DUS2: variants seen among roughly 807,000 people sequenced by gnomAD.
DUS2 encodes the protein tRNA-dihydrouridine(20) synthase [NAD(P)+]-like.
In DUS2, 52 loss-of-function variants were observed where a neutral mutation model predicts 71.3. That is an observed-to-expected ratio of 0.73 (90% CI 0.58 to 0.92). DUS2 has a LOEUF of 0.92. DUS2 is among the 40% of genes least tolerant of loss of function. The pLI is 0.00. For synonymous variants in DUS2, 204 were observed against 227.8 expected (o/e 0.90, Z 0.94); for missense variants, 558 against 622.6 (o/e 0.90, Z 1.10).
At chr16:68,075,295 C>T in intron 13 of DUS2, 60 bp from the exon 14 acceptor site, 2 of 1,473,860 alleles carry the variant, frequency 1.4e-6, no homozygotes, top group Non-Finnish European at 9.0e-7. Flanking sequence ...TGGGGTCCTG[C>T]AGTACCCTGG....
chr16:68,023,857 A>G (rs1169958654), intron 1 of DUS2: 1 of 166,434 alleles, frequency 6.0e-6, no homozygotes, highest in African/African-American at 2.4e-5. Flanking sequence ...GCCAAGGTTC[A>G]CTCTCTACTC....
chr16:68,066,256 A>G, intron 8 of DUS2, 61 bp from the exon 9 acceptor site: 1 of 1,503,104 alleles, frequency 6.7e-7, no homozygotes, highest in Non-Finnish European at 9.3e-7. Flanking sequence ...GTTAATTAGT[A>G]CAGGCAGAGT....
rs543122992 is a variant in DUS2, at chr16:68,079,047, A to G, written c.*61A>G. ...TGGTGCTAAGGTGGCTGTGGATGCC[A>G]CAGCATGAACCAGATGCCGTTGAAC... is the stretch of plus-strand genomic sequence containing the variant. On this transcript the variant is annotated 3_prime_UTR_variant, in exon 17 of 17. Transcript: ENST00000565263. 2.9e-6 allele frequency: 4 copies of G among 1,396,536 alleles called. No homozygotes were observed. The East Asian group carries it at 7.0e-5, about 24-fold the overall frequency. The allele number at this position is 1,396,536 out of a possible 1,614,324, so 86.5% of individuals were successfully genotyped here. A position where few individuals can be genotyped will look rare whatever the true frequency, so the allele number is the denominator to read the frequency against.
intron 2 of DUS2, among the ~76,000 whole-genome samples, chr16:68,033,866 G>A (rs2033477805): frequency 1.3e-5 from 2 of 151,566 alleles, no homozygotes; most frequent in African/African-American, 4.8e-5. Flanking sequence ...TCCTGACCTC[G>A]AGTGATCCAC....
intron 15 of DUS2, 90 bp downstream of exon 15, chr16:68,076,809 G>A (rs188194160): frequency 4.2e-6 from 5 of 1,191,218 alleles, no homozygotes; most frequent in African/African-American, 1.5e-5. Flanking sequence ...CTGGAGCCTG[G>A]CCTTGACCTC....
intron 3 of DUS2, among the ~76,000 whole-genome samples, chr16:68,047,109 G>A (rs555341959): frequency 1.4e-5 from 2 of 139,092 alleles, no homozygotes; most frequent in South Asian, 2.3e-4. Context: ...AGGCTGGAGT[G>A]CAGTGGTGCG....
At chr16:68,038,799 A>G (rs1207866750) in intron 3 of DUS2, among the ~76,000 whole-genome samples, 4 of 151,548 alleles carry the variant, frequency 2.6e-5, no homozygotes, top group Non-Finnish European at 5.9e-5. Flanking sequence ...CCGTAATACT[A>G]GTACTTTGGG....
intron 2 of DUS2, among the ~76,000 whole-genome samples, chr16:68,026,040 G>T (rs2033343865): frequency 6.6e-6 from 1 of 152,210 alleles, no homozygotes; most frequent in East Asian, 1.9e-4. Context: ...ACCCAGGCTA[G>T]ACTTCAGTGG....
rs73604353 is a variant in DUS2, at chr16:68,045,835, C to G, written c.127-3670C>G. Among the ~76,000 whole-genome samples the G allele has an allele frequency of 4.9e-3, 739 of 151,274 alleles. 8 individuals carry two copies. Among genetic ancestry groups the G allele is most frequent in the African/African-American group, 0.017 (700 of 41,252 alleles). On this transcript the variant is annotated intron_variant, in intron 3 of 16. Coordinates refer to ENST00000565263, the MANE Select transcript of DUS2 (RefSeq NM_017803.5). ...GTCTGCCTCCCATGTTCAAGTGATT[C>G]TCCTGCCTCAGATTCCCAAGTAGCT...
intron 3 of DUS2, 108 bp from the exon 4 acceptor site, chr16:68,049,397 G>T: frequency 1.7e-6 from 2 of 1,155,156 alleles, no homozygotes; most frequent in South Asian, 1.3e-5. Context: ...TTTGTTCTTG[G>T]TAGTAGGGCG....
intron 3 of DUS2, among the ~76,000 whole-genome samples, chr16:68,049,172 G>T (rs1420111940): frequency 6.6e-6 from 1 of 152,130 alleles, no homozygotes; most frequent in Non-Finnish European, 1.5e-5. Flanking sequence ...TTCTTTGATG[G>T]GGTGGGCTTC....
At chr16:68,056,661 A>G (rs527991902) in intron 7 of DUS2, among the ~76,000 whole-genome samples, 2 of 152,000 alleles carry the variant, frequency 1.3e-5, no homozygotes, top group Non-Finnish European at 1.5e-5. Context: ...GTAACAGAAT[A>G]TCCCTGTTCT....
intron 3 of DUS2, among the ~76,000 whole-genome samples, chr16:68,046,994 C>T (rs1343237642): frequency 6.6e-6 from 1 of 151,870 alleles, no homozygotes; most frequent in East Asian, 1.9e-4. Context: ...TCGTGATCCG[C>T]CCGCCTTGGC....
chr16:68,058,273 G>C (rs938471189), intron 7 of DUS2, among the ~76,000 whole-genome samples: 1 of 150,394 alleles, frequency 6.6e-6, no homozygotes, highest in Non-Finnish European at 1.5e-5. Context: ...CGTGCAGGCT[G>C]GAGTGTAGCA....
In DUS2 at chr16:68,076,655, C is replaced by T. The variant is rs1454209977; in HGVS notation, c.1106C>T (p.Thr369Ile). ...FDRRAYPAQI[T>I]PKMCLLEWCR... ...AGGAGAGCATACCCAGCCCAGATCACCCCTAAGATGTGCCTACTAGAGTGG... is the reference window on the plus strand; with the variant it reads ...AGGAGAGCATACCCAGCCCAGATCATCCCTAAGATGTGCCTACTAGAGTGG... Residue 369 changes from threonine to isoleucine, a missense_variant, in exon 15 of 17, where the codon ACC (threonine) becomes ATC (isoleucine). Physicochemically the swap from Thr to Ile is moderately conservative, Grantham distance 89. Transcript: ENST00000565263. 1.2e-6 allele frequency: 2 copies of T among 1,614,108 alleles called. No homozygotes were observed. The highest frequency in any genetic ancestry group is 2.2e-5 in the East Asian group (1 of 44,878).
Position 68,074,042 on chromosome 16 carries a change from G to C in DUS2, c.819G>C (p.Gln273His), listed in dbSNP as rs1379671253. The C allele has an allele frequency of 6.2e-7, 1 of 1,614,032 alleles. No individual in the cohort carries two copies. The highest frequency in any genetic ancestry group is 2.2e-5 in the East Asian group (1 of 44,892). The change falls in exon 13 of 17, where the codon CAG becomes CAC. Residue 273 changes from glutamine to histidine, a missense_variant. Coordinates refer to ENST00000565263, the MANE Select transcript of DUS2 (RefSeq NM_017803.5). ...VMQKYIRYAV[Q>H]YDNHYTNTKY... Reference sequence around the variant, plus strand: ...GTCATTTCTTTTCTCAGGCGGTGCAGTATGACAACCACTACACCAACACCA... The same window carrying C: ...GTCATTTCTTTTCTCAGGCGGTGCACTATGACAACCACTACACCAACACCA...
intron 4 of DUS2, among the ~76,000 whole-genome samples, chr16:68,051,708 G>T (rs753299739): frequency 2.0e-5 from 3 of 151,942 alleles, no homozygotes; most frequent in Non-Finnish European, 2.9e-5. Flanking sequence ...CTGTTTAAAG[G>T]CATATTATTT....
In DUS2 at chr16:68,026,290, C is replaced by T. The variant is rs116245882; in HGVS notation, c.-19+796C>T. On this transcript the variant is annotated intron_variant, in intron 2 of 16. Coordinates refer to ENST00000565263, the MANE Select transcript of DUS2 (RefSeq NM_017803.5). ...ACAGATGTGAGCCATTGTGCCCAGC[C>T]GAGAAATTGGTATTTTTAGAAACCT... 2.6e-3 allele frequency among the ~76,000 whole-genome samples: 397 copies of T among 152,110 alleles called. 3 individuals carry two copies. Among genetic ancestry groups the T allele is most frequent in the African/African-American group, 9.2e-3 (380 of 41,494 alleles).
intron 2 of DUS2, among the ~76,000 whole-genome samples, chr16:68,028,087 A>G (rs2033381890): frequency 6.6e-6 from 1 of 152,082 alleles, no homozygotes; most frequent in Admixed American, 6.6e-5. Flanking sequence ...TGGAACTATC[A>G]TGTTTTGCGT....
Sources: gnomAD v4.1 joint callset for allele counts (sites outside exome capture counted in the v4.1 genomes callset) on GRCh38, gnomAD v4.1.1 for gene constraint, MANE v1.5 for transcripts, NCBI Gene and HGNC (gene_info 2026-07-23, HGNC 2026-07-21) for gene names.